NHSL1: variants seen among roughly 807,000 people sequenced by gnomAD.
The protein encoded by NHSL1 is NHS-like protein 1.
A neutral mutation model predicts 95.0 loss-of-function variants in NHSL1; 48 were observed. That is an observed-to-expected ratio of 0.51 (90% CI 0.40 to 0.64). NHSL1 has a LOEUF of 0.64. Among genes scored for constraint, NHSL1 ranks in the 30% least tolerant of loss-of-function variants. The probability of loss-of-function intolerance (pLI) is 0.00; values close to 1 mark genes in which losing one functional copy is unlikely to be tolerated. For synonymous variants in NHSL1, 783 were observed against 833.9 expected (o/e 0.94, Z 1.05); for missense variants, 1,971 against 2,077.7 (o/e 0.95, Z 1.00).
At chr6:138,567,485 A>G (rs931854665) in intron 1 of NHSL1, among the ~76,000 whole-genome samples, 2 of 152,142 alleles carry the variant, frequency 1.3e-5, no homozygotes, top group African/African-American at 4.8e-5. Context: ...GAAATAGATC[A>G]CAGCTATTTA....
At chr6:138,522,402 G>C (rs1486719299) in intron 1 of NHSL1, among the ~76,000 whole-genome samples, 3 of 152,232 alleles carry the variant, frequency 2.0e-5, no homozygotes, top group African/African-American at 2.4e-5. Flanking sequence ...AGCACTTTGG[G>C]AGGCCAAGGC....
chr6:138,670,752 T>C (rs530137792), intron 1 of NHSL1, among the ~76,000 whole-genome samples: 2 of 150,750 alleles, frequency 1.3e-5, no homozygotes, highest in East Asian at 3.9e-4. Context: ...CAGGATGTTA[T>C]ATAAAAGAAT....
At chr6:138,582,197 C>A (rs931204259) in intron 1 of NHSL1, among the ~76,000 whole-genome samples, 12 of 152,018 alleles carry the variant, frequency 7.9e-5, no homozygotes, top group Admixed American at 7.9e-4. Context: ...GTGCCTGGCC[C>A]AAAGTGGCCT....
At chr6:138,656,578 T>C (rs969403450) in intron 1 of NHSL1, among the ~76,000 whole-genome samples, 1 of 152,202 alleles carries the variant, frequency 6.6e-6, no homozygotes, top group Non-Finnish European at 1.5e-5. Flanking sequence ...ATTCAAGCGA[T>C]AATACATCAG....
chr6:138,441,997 A>G lies in NHSL1; in HGVS notation c.650T>C (p.Ile217Thr). 6.4e-7 allele frequency: 1 copy of G among 1,550,992 alleles called. No individual in the cohort carries two copies. The part of the protein sequence containing the change: ...RKTITGVPDN[I>T]QKELASGTGQ... The stretch of plus-strand genomic sequence containing the variant: ...ATGAGCCATACCTAGCTCCTTCTGT[A>G]TGTTGTCAGGGACTCCTGTAATAGT... Residue 217 changes from isoleucine to threonine, a missense_variant, in exon 5 of 8, where the codon ATA becomes ACA. Physicochemically the swap from Ile to Thr is moderately conservative, Grantham distance 89 (BLOSUM62 -1). Transcript: ENST00000343505.
chr6:138,672,570 C>T (rs1250529032), intron 1 of NHSL1, among the ~76,000 whole-genome samples: 1 of 152,126 alleles, frequency 6.6e-6, no homozygotes, highest in African/African-American at 2.4e-5. Flanking sequence ...AAAGTGGAAT[C>T]AAGTACAAGC....
chr6:138,676,704 G>A (rs147444458), intron 1 of NHSL1, among the ~76,000 whole-genome samples: 1 of 152,210 alleles, frequency 6.6e-6, no homozygotes, highest in Non-Finnish European at 1.5e-5. Flanking sequence ...ACCCAGGCTA[G>A]AGTGCAGCAG....
intron 1 of NHSL1, among the ~76,000 whole-genome samples, chr6:138,681,951 T>C (rs979165865): frequency 6.6e-6 from 1 of 151,832 alleles, no homozygotes; most frequent in Non-Finnish European, 1.5e-5. Flanking sequence ...CTAAAACCAT[T>C]GTCTATCCTT....
At chr6:138,569,952 T>C (rs1430051278) in intron 1 of NHSL1, among the ~76,000 whole-genome samples, 1 of 152,192 alleles carries the variant, frequency 6.6e-6, no homozygotes, top group Non-Finnish European at 1.5e-5. Context: ...CTGTATCCCC[T>C]ATTCCGTTAA....
chr6:138,587,477 G>A (rs942153991), intron 1 of NHSL1, among the ~76,000 whole-genome samples: 4 of 148,422 alleles, frequency 2.7e-5, no homozygotes, highest in African/African-American at 9.9e-5. Context: ...CAGCTACTCG[G>A]GAGGGCATCA....
intron 3 of NHSL1, among the ~76,000 whole-genome samples, chr6:138,468,865 G>C (rs1222591301): frequency 6.6e-6 from 1 of 152,146 alleles, no homozygotes; most frequent in Non-Finnish European, 1.5e-5. Context: ...TGCTCTTAGT[G>C]CCTCCCCGTG....
chr6:138,663,923 C>T (rs1178183249), intron 1 of NHSL1, among the ~76,000 whole-genome samples: 1 of 152,162 alleles, frequency 6.6e-6, no homozygotes, highest in African/African-American at 2.4e-5. Flanking sequence ...TCATAGTTAA[C>T]CACAGATAAT....
chr6:138,602,484 T>C (rs1784384550), intron 1 of NHSL1, among the ~76,000 whole-genome samples: 1 of 152,020 alleles, frequency 6.6e-6, no homozygotes, highest in Admixed American at 6.6e-5. Flanking sequence ...TGGAATTACA[T>C]GCTCCTGCCA....
chr6:138,672,708 T>C (rs1785388991), intron 1 of NHSL1, among the ~76,000 whole-genome samples: 1 of 152,182 alleles, frequency 6.6e-6, no homozygotes. Flanking sequence ...GATATATTCC[T>C]TTTTGAGGAC....
chr6:138,440,564 G>C (rs1046645829), intron 5 of NHSL1, among the ~76,000 whole-genome samples: 2 of 151,798 alleles, frequency 1.3e-5, no homozygotes, highest in African/African-American at 4.9e-5. Context: ...GGCTGCCTGC[G>C]GCAAAGGCAG....
intron 1 of NHSL1, among the ~76,000 whole-genome samples, chr6:138,657,285 T>C (rs780797136): frequency 6.6e-6 from 1 of 152,246 alleles, no homozygotes; most frequent in Non-Finnish European, 1.5e-5. Context: ...CTGTCAGCCC[T>C]AAAGCCAATG....
intron 1 of NHSL1, among the ~76,000 whole-genome samples, chr6:138,519,312 T>G (rs1260414014): frequency 6.6e-6 from 1 of 152,168 alleles, no homozygotes; most frequent in African/African-American, 2.4e-5. Context: ...CAATTTTCCT[T>G]TTGATAAAGC....
At chr6:138,492,300 G>C (rs1780125653) in intron 2 of NHSL1, among the ~76,000 whole-genome samples, 1 of 152,146 alleles carries the variant, frequency 6.6e-6, no homozygotes, top group African/African-American at 2.4e-5. Context: ...CTCTCCCTGT[G>C]TGTACAATGT....
At chr6:138,688,692 G>C (rs1785620353) in intron 1 of NHSL1, among the ~76,000 whole-genome samples, 1 of 151,888 alleles carries the variant, frequency 6.6e-6, no homozygotes, top group Non-Finnish European at 1.5e-5. Flanking sequence ...ATTTGATCGA[G>C]TGTCTATTGA....
Sources: allele counts gnomAD v4.1 joint callset (sites outside exome capture counted in the v4.1 genomes callset), GRCh38; gene constraint gnomAD v4.1.1; transcripts MANE v1.5; gene names NCBI Gene and HGNC (gene_info 2026-07-23, HGNC 2026-07-21).